UBR3: variants seen among roughly 807,000 people sequenced by gnomAD.
UBR3 encodes the protein E3 ubiquitin-protein ligase UBR3.
Under a neutral mutation model 243.2 loss-of-function variants are expected in UBR3, and 85 were observed. The ratio of observed to expected loss-of-function variants is 0.35; its 90% CI spans 0.29 to 0.42. The LOEUF is 0.42. Among genes scored for constraint, UBR3 ranks in the 10% least tolerant of loss-of-function variants. The pLI, the probability that UBR3 is intolerant of heterozygous loss-of-function variation, is 1.00. For synonymous variants in UBR3, 748 were observed against 799.8 expected (o/e 0.94, Z 1.09); for missense variants, 1,686 against 2,300.8 (o/e 0.73, Z 5.47).
At chr2:169,990,098 G>C (rs1399526323) in intron 25 of UBR3, among the ~76,000 whole-genome samples, 1 of 152,088 alleles carries the variant, frequency 6.6e-6, no homozygotes, top group East Asian at 1.9e-4. Flanking sequence ...GATCTTTTTA[G>C]TGTTCACTGA....
intron 19 of UBR3, among the ~76,000 whole-genome samples, chr2:169,938,118 C>A (rs537240139): frequency 1.3e-5 from 2 of 152,240 alleles, no homozygotes; most frequent in South Asian, 4.1e-4. Flanking sequence ...TATTTTAGCC[C>A]CTTGCCTTCC....
intron 10 of UBR3, among the ~76,000 whole-genome samples, chr2:169,908,151 A>G (rs932145412): frequency 6.6e-6 from 1 of 152,120 alleles, no homozygotes; most frequent in Non-Finnish European, 1.5e-5. Context: ...TTTCTTTGGC[A>G]TATGGTCTTT....
chr2:169,923,993 A>C lies in UBR3; in HGVS notation c.1931A>C (p.Lys644Thr). The C allele has an allele frequency of 1.3e-6, 2 of 1,540,444 alleles. No homozygotes were observed. The highest frequency in any genetic ancestry group is 1.7e-6 in the Non-Finnish European group (2 of 1,144,052). The change falls in exon 12 of 39, where the codon AAG becomes ACG. Residue 644 changes from lysine to threonine, a missense_variant and splice_region_variant. Physicochemically the swap from Lys to Thr is moderately conservative, Grantham distance 78 (BLOSUM62 -1). Coordinates refer to ENST00000272793, the MANE Select transcript of UBR3 (RefSeq NM_172070.4). ...CGTTACTATGCTATGTTTTTGAGTA[A>C]GGTAAGACTGTCATTAAACAATTCT... is the stretch of plus-strand genomic sequence containing the variant. ...LHRYYAMFLS[K>T]AVKCQELDLD...
intron 1 of UBR3, among the ~76,000 whole-genome samples, chr2:169,842,480 T>C (rs1334743322): frequency 6.6e-6 from 1 of 152,152 alleles, no homozygotes; most frequent in Non-Finnish European, 1.5e-5. Context: ...CTGTGGAAGC[T>C]TTGTTCTTTC....
intron 22 of UBR3, among the ~76,000 whole-genome samples, chr2:169,948,816 A>C (rs1282352761): frequency 6.6e-6 from 1 of 152,002 alleles, no homozygotes; most frequent in African/African-American, 2.4e-5. Context: ...CTCATATCTT[A>C]ATTAAAAGAT....
At chr2:169,993,221 G>A (rs1479200919) in intron 25 of UBR3, among the ~76,000 whole-genome samples, 2 of 152,030 alleles carry the variant, frequency 1.3e-5, no homozygotes, top group South Asian at 2.1e-4. Flanking sequence ...TATTTATGGG[G>A]TACATAAATG....
At chr2:169,957,783 AAATAT>A (rs1481574670) in intron 23 of UBR3, among the ~76,000 whole-genome samples, 12 of 152,340 alleles carry the variant, frequency 7.9e-5, no homozygotes, top group Admixed American at 7.2e-4. Flanking sequence ...CATACATAAT[AAATAT>A]AATATAGTGA....
chr2:169,964,613 G>A (rs544915265), intron 24 of UBR3: 1 of 378,778 alleles, frequency 2.6e-6, no homozygotes, highest in South Asian at 2.1e-5. Flanking sequence ...TTCAGGGTTA[G>A]GTAAAAGGTG....
intron 24 of UBR3, among the ~76,000 whole-genome samples, chr2:169,980,102 C>T (rs1161148613): frequency 2.0e-5 from 3 of 151,992 alleles, no homozygotes; most frequent in Non-Finnish European, 4.4e-5. Flanking sequence ...TAAAAGTTTC[C>T]CCATGGCATC....
At chr2:170,042,364 T>G (rs930629673) in intron 32 of UBR3, among the ~76,000 whole-genome samples, 13 of 152,158 alleles carry the variant, frequency 8.5e-5, no homozygotes, top group Admixed American at 5.9e-4. Flanking sequence ...TATCCACTTG[T>G]CAGTTGATGG....
At chr2:169,859,780 G>C (rs1471225359) in intron 1 of UBR3, among the ~76,000 whole-genome samples, 1 of 151,958 alleles carries the variant, frequency 6.6e-6, no homozygotes, top group Non-Finnish European at 1.5e-5. Context: ...GCAGTCGCAT[G>C]ATCTTGGCTC....
At chr2:170,073,154 A>G (rs2091735780) in intron 35 of UBR3, among the ~76,000 whole-genome samples, 1 of 152,152 alleles carries the variant, frequency 6.6e-6, no homozygotes, top group Non-Finnish European at 1.5e-5. Flanking sequence ...GAACCATTAG[A>G]TATATAACAA....
chr2:169,878,682 G>T (rs2083709006), intron 5 of UBR3, 108 bp downstream of exon 5: 4 of 1,018,296 alleles, frequency 3.9e-6, no homozygotes, highest in Non-Finnish European at 4.3e-6. Flanking sequence ...AGATTTGTAG[G>T]CATTATGTAG....
chr2:170,071,942 G>C (rs2091706538), intron 35 of UBR3, among the ~76,000 whole-genome samples: 1 of 152,124 alleles, frequency 6.6e-6, no homozygotes, highest in Non-Finnish European at 1.5e-5. Flanking sequence ...GAGAGGATGT[G>C]GAGAAATAGG....
chr2:169,885,879 G>C (rs1472629909), intron 5 of UBR3, among the ~76,000 whole-genome samples: 1 of 152,034 alleles, frequency 6.6e-6, no homozygotes, highest in Non-Finnish European at 1.5e-5. Context: ...AAGAAAAAAG[G>C]CTGGGTGCAG....
At chr2:170,017,014 T>C (rs1347520284) in intron 30 of UBR3, 1 of 195,170 alleles carries the variant, frequency 5.1e-6, no homozygotes, top group Admixed American at 6.5e-5. Context: ...GTCATATATA[T>C]ATATAGAATA....
intron 23 of UBR3, among the ~76,000 whole-genome samples, chr2:169,951,358 T>A (rs2087020158): frequency 6.6e-6 from 1 of 152,200 alleles, no homozygotes; most frequent in Non-Finnish European, 1.5e-5. Flanking sequence ...GAAGCAAGCC[T>A]AAGATGGATC....
At chr2:169,980,757 T>TCCCTCCC (rs147272428) in intron 24 of UBR3, among the ~76,000 whole-genome samples, 2 of 121,450 alleles carry the variant, frequency 1.6e-5, no homozygotes, top group East Asian at 2.7e-4. Context: ...CCTAATGCTA[T>TCCCTCCC]CCCTCCCCCC....
chr2:170,044,845 T>C (rs1388056329), intron 32 of UBR3, among the ~76,000 whole-genome samples: 1 of 152,174 alleles, frequency 6.6e-6, no homozygotes, highest in Non-Finnish European at 1.5e-5. Context: ...GGATGAGAGT[T>C]AAGAGAGGAA....
Sources: gnomAD v4.1 joint callset for allele counts (sites outside exome capture counted in the v4.1 genomes callset) on GRCh38, gnomAD v4.1.1 for gene constraint, MANE v1.5 for transcripts, NCBI Gene and HGNC (gene_info 2026-07-23, HGNC 2026-07-21) for gene names.